Variants in FAM81B observed in about 807,000 individuals in gnomAD.
FAM81B encodes the protein family with sequence similarity 81 member B.
In FAM81B, 60 loss-of-function variants were observed where a neutral mutation model predicts 58.7. The observed-to-expected ratio is 1.02, with a 90% CI of 0.83 to 1.27. The LOEUF (loss-of-function observed/expected upper bound fraction) is 1.27, where lower values mean the gene tolerates loss of function less well. Among genes scored for constraint, FAM81B ranks in the 50% most tolerant of loss-of-function variants. The pLI, the probability that FAM81B is intolerant of heterozygous loss-of-function variation, is 0.00. For synonymous variants in FAM81B, 189 were observed against 179.6 expected, an observed-to-expected ratio of 1.05 and a Z score of -0.42; for missense variants, 491 against 522.0, an observed-to-expected ratio of 0.94 and a Z score of 0.58.
chr5:95,435,419 A>G (rs929350528), intron 6 of FAM81B, among the ~76,000 whole-genome samples: 2 of 152,130 alleles, frequency 1.3e-5, no homozygotes, highest in Non-Finnish European at 2.9e-5. Flanking sequence ...TTAATGTTGC[A>G]TATGTGCTTG....
At chr5:95,414,246 GA>G in intron 4 of FAM81B, 56 bp downstream of exon 4, 1 of 1,536,830 alleles carries the variant, frequency 6.5e-7, no homozygotes, top group East Asian at 2.3e-5. Context: ...AGCATTGCTT[GA>G]TAAAGATTAT....
chr5:95,399,094 T>C (rs1762040000), intron 3 of FAM81B, among the ~76,000 whole-genome samples: 1 of 152,242 alleles, frequency 6.6e-6, no homozygotes, highest in Non-Finnish European at 1.5e-5. Flanking sequence ...TCAGGAATTC[T>C]CTCAAGAGTA....
chr5:95,418,371 G>T (rs1762589614), intron 4 of FAM81B, among the ~76,000 whole-genome samples: 1 of 152,082 alleles, frequency 6.6e-6, no homozygotes, highest in Non-Finnish European at 1.5e-5. Flanking sequence ...TCAGGGAAAA[G>T]GTTGAAGTTC....
At chr5:95,415,188 C>T (rs570904838) in intron 4 of FAM81B, among the ~76,000 whole-genome samples, 2 of 152,116 alleles carry the variant, frequency 1.3e-5, no homozygotes, top group Non-Finnish European at 2.9e-5. Context: ...CGTGATGAAT[C>T]TGGGTTAACA....
At chr5:95,427,003 T>G (rs184647316) in intron 5 of FAM81B, among the ~76,000 whole-genome samples, 6 of 152,122 alleles carry the variant, frequency 3.9e-5, no homozygotes, top group East Asian at 3.9e-4. Context: ...GAGCCGAGAT[T>G]GTGCCACTGC....
At chr5:95,436,471 T>C (rs779068294) in intron 6 of FAM81B, among the ~76,000 whole-genome samples, 4 of 152,212 alleles carry the variant, frequency 2.6e-5, no homozygotes, top group Non-Finnish European at 5.9e-5. Context: ...AGTAGAAATA[T>C]AATCAAATTA....
Position 95,446,638 on chromosome 5 carries a change from T to C in FAM81B, c.970T>C (p.Tyr324His), listed in dbSNP as rs371071564. The C allele has an allele frequency of 6.2e-6, 10 of 1,613,212 alleles. No homozygotes were observed. The highest frequency in any genetic ancestry group is 8.5e-6 in the Non-Finnish European group (10 of 1,179,788). The part of the protein sequence containing the change: ...KKWTENQFLK[Y>H]RKDHLGHINE... Reference sequence around the variant, plus strand: ...ATGGACAGAAAACCAATTTCTCAAATATAGAAAAGACCACCTGGGCCATAT... The same window carrying C: ...ATGGACAGAAAACCAATTTCTCAAACATAGAAAAGACCACCTGGGCCATAT... The change falls in exon 8 of 10, where the codon TAT becomes CAT. Residue 324 changes from tyrosine to histidine, a missense_variant. Physicochemically the swap from Tyr to His is moderately conservative, Grantham distance 83. Transcript: ENST00000283357.
At chr5:95,410,154 C>CA (rs1762369306) in intron 3 of FAM81B, among the ~76,000 whole-genome samples, 1 of 152,150 alleles carries the variant, frequency 6.6e-6, no homozygotes, top group African/African-American at 2.4e-5. Context: ...CAGATGCACA[C>CA]ATTTTATTTT....
intron 3 of FAM81B, among the ~76,000 whole-genome samples, chr5:95,403,255 C>A (rs1762160460): frequency 2.0e-5 from 3 of 152,308 alleles, no homozygotes; most frequent in Middle Eastern, 3.4e-3. Flanking sequence ...TTCCCTCCCT[C>A]ACCCTCCCCT....
At chr5:95,394,707 C>T (rs1048532213) in intron 2 of FAM81B, among the ~76,000 whole-genome samples, 13 of 152,176 alleles carry the variant, frequency 8.5e-5, no homozygotes, top group African/African-American at 1.2e-4. Context: ...AGGGTACAAG[C>T]TCTCTCCTGG....
At position 95,436,867 on chromosome 5, in the gene FAM81B, A is replaced by AG. The variant is rs907428597; in HGVS notation, c.859dup (p.Asp287GlyfsTer19). On this transcript the variant is annotated frameshift_variant, in exon 7 of 10. Transcript: ENST00000283357. LOFTEE classifies it high-confidence loss of function. ...CAAACCTCGAATTTAAAGATGGTCC[A>AG]GGGGGATTATCGCCACGAAATGAAC... is the stretch of plus-strand genomic sequence containing the variant. 6.2e-7 allele frequency: 1 copy of AG among 1,614,078 alleles called. No homozygotes were observed. Among genetic ancestry groups the AG allele is most frequent in the South Asian group, 1.1e-5 (1 of 91,080 alleles).
chr5:95,409,479 T>A (rs1161182806), intron 3 of FAM81B, among the ~76,000 whole-genome samples: 1 of 151,860 alleles, frequency 6.6e-6, no homozygotes, highest in Non-Finnish European at 1.5e-5. Context: ...TTTTAAAGAA[T>A]TTTTCTTAAT....
intron 6 of FAM81B, 74 bp downstream of exon 6, chr5:95,428,806 C>A: frequency 1.3e-6 from 2 of 1,587,710 alleles, no homozygotes; most frequent in Non-Finnish European, 1.7e-6. Flanking sequence ...ATCAAAATGC[C>A]CAATCAGGTG....
At chr5:95,431,789 A>C (rs2152767682) in intron 6 of FAM81B, among the ~76,000 whole-genome samples, 1 of 152,162 alleles carries the variant, frequency 6.6e-6, no homozygotes, top group South Asian at 2.1e-4. Flanking sequence ...TATGAAGACA[A>C]TATTAATTTT....
At chr5:95,446,494 T>C in intron 7 of FAM81B, 68 bp from the exon 8 acceptor site, 1 of 1,416,248 alleles carries the variant, frequency 7.1e-7, no homozygotes, top group Non-Finnish European at 9.4e-7. Context: ...AACTGCAGAC[T>C]TTTTCAATAC....
At chr5:95,413,177 G>A (rs991475675) in intron 3 of FAM81B, among the ~76,000 whole-genome samples, 3 of 152,142 alleles carry the variant, frequency 2.0e-5, no homozygotes, top group African/African-American at 7.2e-5. Context: ...TTTTTCACCT[G>A]TGTTTTTACT....
chr5:95,428,023 T>C (rs890470925), intron 5 of FAM81B, among the ~76,000 whole-genome samples: 1 of 152,260 alleles, frequency 6.6e-6, no homozygotes, highest in Non-Finnish European at 1.5e-5. Flanking sequence ...GAATTGGTTT[T>C]GTCCTAATAT....
chr5:95,415,154 G>A (rs1170864881), intron 4 of FAM81B, among the ~76,000 whole-genome samples: 1 of 152,138 alleles, frequency 6.6e-6, no homozygotes, highest in Non-Finnish European at 1.5e-5. Context: ...AGAGGTCTTC[G>A]AGAGTTGCTA....
intron 7 of FAM81B, among the ~76,000 whole-genome samples, 166 bp downstream of exon 7, chr5:95,437,072 A>G (rs933264037): frequency 3.9e-5 from 6 of 152,128 alleles, no homozygotes; most frequent in African/African-American, 1.4e-4. Flanking sequence ...AACTTATATA[A>G]TATTTATAAT....
Sources: gnomAD v4.1 joint callset for allele counts (sites outside exome capture counted in the v4.1 genomes callset) on GRCh38, gnomAD v4.1.1 for gene constraint, MANE v1.5 for transcripts, NCBI Gene and HGNC (gene_info 2026-07-23, HGNC 2026-07-21) for gene names.